ANXA4: variants seen among roughly 807,000 people sequenced by gnomAD.
The protein encoded by ANXA4 is 35-beta calcimedin.
A neutral mutation model predicts 49.8 loss-of-function variants in ANXA4; 39 were observed. The observed-to-expected ratio is 0.78, with a 90% CI of 0.61 to 1.02. The LOEUF (loss-of-function observed/expected upper bound fraction) is 1.02, where lower values mean the gene tolerates loss of function less well. Among genes scored for constraint, ANXA4 ranks in the 50% least tolerant of loss-of-function variants. The pLI, the probability that ANXA4 is intolerant of heterozygous loss-of-function variation, is 0.00. For missense variants in ANXA4, 360 were observed against 410.1 expected (o/e 0.88, Z 1.05); for synonymous variants, 134 against 152.5 (o/e 0.88, Z 0.89).
chr2:69,647,035 T>C (rs944973796), intron 1 of ANXA4, among the ~76,000 whole-genome samples: 1 of 152,214 alleles, frequency 6.6e-6, no homozygotes, highest in Non-Finnish European at 1.5e-5. Context: ...AAAGAGAACA[T>C]AGGACATATG....
chr2:69,696,919 C>A (rs1355505035), intron 2 of ANXA4, among the ~76,000 whole-genome samples: 1 of 152,142 alleles, frequency 6.6e-6, no homozygotes, highest in African/African-American at 2.4e-5. Context: ...GGCTTTGTTG[C>A]TCCATTTATA....
At chr2:69,714,917 C>T (rs1376009806) in intron 2 of ANXA4, among the ~76,000 whole-genome samples, 1 of 152,220 alleles carries the variant, frequency 6.6e-6, no homozygotes, top group Non-Finnish European at 1.5e-5. Context: ...ACGCAAGGTC[C>T]TCCCTCCAGG....
At chr2:69,781,402 A>G in intron 1 of ANXA4, 118 bp from the exon 2 acceptor site, 2 of 785,248 alleles carry the variant, frequency 2.5e-6, no homozygotes, top group South Asian at 3.3e-5. Flanking sequence ...TGGCCTTTTG[A>G]TTAAGTTGGG....
At chr2:69,759,513 C>T (rs991471920) in intron 1 of ANXA4, among the ~76,000 whole-genome samples, 9 of 152,210 alleles carry the variant, frequency 5.9e-5, no homozygotes, top group Middle Eastern at 3.4e-3. Context: ...TATTTGTAAG[C>T]GTGGAAAGAT....
intron 3 of ANXA4, among the ~76,000 whole-genome samples, chr2:69,803,055 G>C (rs886761620): frequency 1.2e-4 from 18 of 151,752 alleles, no homozygotes; most frequent in African/African-American, 4.4e-4. Context: ...AAAAAAATTA[G>C]CCAGGCATGG....
In ANXA4 at chr2:69,696,954, A is replaced by G. The variant is rs553856749; in HGVS notation, n.767-23820A>G. On this transcript the variant is annotated intron_variant and non_coding_transcript_variant, in intron 2 of 3. Coordinates refer to the ANXA4 transcript ENST00000418066. ...ACAGCACTGGCAGAGTAGATTTAGC[A>G]TAATACTTAAGGGTCCTAGGATTTC... 7.2e-5 allele frequency among the ~76,000 whole-genome samples: 11 copies of G among 152,342 alleles called. No individual in the cohort carries two copies. In the South Asian group the frequency reaches 1.2e-3, roughly 17 times the overall value.
At chr2:69,764,416 G>C (rs921946450) in intron 1 of ANXA4, among the ~76,000 whole-genome samples, 1 of 152,178 alleles carries the variant, frequency 6.6e-6, no homozygotes, top group Non-Finnish European at 1.5e-5. Flanking sequence ...AGTTATACTT[G>C]AGGAGAGGAT....
intron 2 of ANXA4, among the ~76,000 whole-genome samples, chr2:69,690,933 A>C (rs2105372073): frequency 6.6e-6 from 1 of 152,336 alleles, no homozygotes; most frequent in South Asian, 2.1e-4. Flanking sequence ...TTGGGAAGAA[A>C]CATCCTGAAA....
chr2:69,748,822 C>A (rs1220301495), intron 1 of ANXA4, among the ~76,000 whole-genome samples: 1 of 151,750 alleles, frequency 6.6e-6, no homozygotes, highest in Non-Finnish European at 1.5e-5. Flanking sequence ...GGGATCCTCC[C>A]ATCTCAGCCT....
intron 1 of ANXA4, among the ~76,000 whole-genome samples, chr2:69,649,664 T>A (rs1573049628): frequency 6.9e-6 from 1 of 144,286 alleles, no homozygotes; most frequent in South Asian, 2.1e-4. Flanking sequence ...CAGGCTGGAG[T>A]GCAGTGGCAC....
intron 2 of ANXA4, among the ~76,000 whole-genome samples, chr2:69,781,973 G>T (rs770992790): frequency 1.6e-4 from 25 of 152,144 alleles, no homozygotes; most frequent in Non-Finnish European, 2.9e-4. Flanking sequence ...CATCAAGAGG[G>T]GTGTTTCTTA....
intron 1 of ANXA4, among the ~76,000 whole-genome samples, chr2:69,647,769 C>A (rs543849638): frequency 3.3e-5 from 5 of 152,150 alleles, no homozygotes; most frequent in Admixed American, 3.3e-4. Context: ...GTTGCCCAGG[C>A]TGACCTCAAA....
intron 1 of ANXA4, among the ~76,000 whole-genome samples, chr2:69,646,645 T>C (rs180819123): frequency 5.3e-5 from 8 of 152,310 alleles, no homozygotes; most frequent in Non-Finnish European, 1.2e-4. Flanking sequence ...AGATGCCAAA[T>C]TATAAACAAG....
At chr2:69,717,373 A>T (rs749160085) in intron 2 of ANXA4, among the ~76,000 whole-genome samples, 1 of 151,476 alleles carries the variant, frequency 6.6e-6, no homozygotes, top group Non-Finnish European at 1.5e-5. Flanking sequence ...TTCATCCCAC[A>T]CTCCCAAAGC....
upstream of ANXA4, chr2:69,644,293 G>T (rs1661122738): frequency 1.3e-5 from 2 of 152,168 alleles, no homozygotes; most frequent in Non-Finnish European, 2.9e-5. Flanking sequence ...CCTGAAGGAC[G>T]CGGCTTAACC....
intron 2 of ANXA4, among the ~76,000 whole-genome samples, chr2:69,678,278 A>G (rs960082930): frequency 6.6e-6 from 1 of 151,616 alleles, no homozygotes; most frequent in Non-Finnish European, 1.5e-5. Flanking sequence ...CAGTTCTAGA[A>G]GTAGAATTAC....
chr2:69,825,321 C>T (rs1480485445), intron 12 of ANXA4, 135 bp from the exon 13 acceptor site: 4 of 687,576 alleles, frequency 5.8e-6, no homozygotes, highest in Non-Finnish European at 7.5e-6. Flanking sequence ...GTATTACCTT[C>T]GTAATAAAAA....
At chr2:69,762,071 G>T (rs1671315424) in intron 1 of ANXA4, among the ~76,000 whole-genome samples, 1 of 152,054 alleles carries the variant, frequency 6.6e-6, no homozygotes. Context: ...GTGTGTAATG[G>T]GGAAATATTT....
chr2:69,810,789 C>T (rs11691234), intron 7 of ANXA4, 116 bp downstream of exon 7: 1 of 776,418 alleles, frequency 1.3e-6, no homozygotes, highest in Non-Finnish European at 2.2e-6. Context: ...AGGTAGTGTT[C>T]TCAGACCCCT....
Sources: gnomAD v4.1 joint callset for allele counts (sites outside exome capture counted in the v4.1 genomes callset) on GRCh38, gnomAD v4.1.1 for gene constraint, MANE v1.5 for transcripts, NCBI Gene and HGNC (gene_info 2026-07-23, HGNC 2026-07-21) for gene names.